VMA21: variants seen among roughly 807,000 people sequenced by gnomAD.
VMA21 encodes the protein vacuolar ATPase assembly factor VMA21.
For synonymous variants in VMA21, 47 were observed against 34.1 expected, an observed-to-expected ratio of 1.38 and a Z score of -1.32; for missense variants, 61 against 80.6, an observed-to-expected ratio of 0.76 and a Z score of 0.93.
upstream of VMA21, chrX:151,397,166 G>C (rs184571893): frequency 3.6e-5 from 21 of 580,379 alleles, no homozygotes; most frequent in African/African-American, 4.9e-5. Flanking sequence ...GCGCGAACGG[G>C]CACTTCCGGC....
At chrX:151,397,200 A>C, upstream of VMA21, 1 of 931,637 alleles carries the variant, frequency 1.1e-6, no homozygotes, top group Non-Finnish European at 1.4e-6. Context: ...TCCGGCGCGA[A>C]CCGCTACTTC....
chrX:151,406,691 T>C lies in VMA21; in HGVS notation c.*1633T>C, dbSNP rs766949517. The C allele has an allele frequency of 8.9e-6, 1 of 112,155 alleles. No individual in the cohort carries two copies. Among genetic ancestry groups the C allele is most frequent in the South Asian group, 3.7e-4 (1 of 2,706 alleles). The allele number at this position is 112,155 out of a possible 1,213,427, so 9.2% of individuals were successfully genotyped here. On this transcript the variant is annotated 3_prime_UTR_variant, in exon 3 of 3. Coordinates refer to ENST00000330374, the MANE Select transcript of VMA21 (RefSeq NM_001017980.4). ...CTACCACGCCCGGCCTTATTGACCA[T>C]TTTCTAAATAAGCACATTCTATCTT... is the stretch of plus-strand genomic sequence containing the variant.
rs1171042389 is a variant in VMA21, at chrX:151,406,388, T to A, written c.*1330T>A. ...TCTTTTTCTTTATTTTATTTATTTA[T>A]TTTTTTGAGACAGAGTTTTGCTCTG... On this transcript the variant is annotated 3_prime_UTR_variant, in exon 3 of 3. Coordinates refer to ENST00000330374, the MANE Select transcript of VMA21 (RefSeq NM_001017980.4). The A allele has an allele frequency of 9.0e-6, 1 of 111,215 alleles. No homozygotes were observed. The highest frequency in any genetic ancestry group is 9.6e-5 in the Admixed American group (1 of 10,400). The allele number at this position is 111,215 out of a possible 1,213,427, so 9.2% of individuals were successfully genotyped here.
upstream of VMA21, chrX:151,396,739 G>A: frequency 2.3e-6 from 1 of 430,992 alleles, no homozygotes; most frequent in Non-Finnish European, 4.1e-6. Flanking sequence ...TCAAGTAGTG[G>A]CGAAATAATG....
In VMA21 at chrX:151,407,960, CG is replaced by C. The variant is rs1366793214; in HGVS notation, c.*2904del. 1 of 108,254 alleles carries C rather than the reference CG, an allele frequency of 9.2e-6. No individual in the cohort carries two copies. The highest frequency in any genetic ancestry group is 1.9e-5 in the Non-Finnish European group (1 of 52,277). 8.9% of individuals were successfully genotyped at this position (108,254 alleles called of 1,213,427 possible). ...AGGCTGGAGTGCAAGGGCGCAATCT[CG>C]GCTCGCTGCAACCTCCGCCTCCCGG... On this transcript the variant is annotated 3_prime_UTR_variant, in exon 3 of 3. Transcript: ENST00000330374.
At chrX:151,398,719 G>C (rs1315947719) in intron 1 of VMA21, among the ~76,000 whole-genome samples, 2 of 111,834 alleles carry the variant, frequency 1.8e-5, no homozygotes, top group Non-Finnish European at 3.8e-5. Flanking sequence ...TCTTGACTGT[G>C]GGAGAAAGAA....
intron 1 of VMA21, among the ~76,000 whole-genome samples, chrX:151,399,581 G>A (rs2011222255): frequency 9.0e-6 from 1 of 111,541 alleles, no homozygotes; most frequent in Non-Finnish European, 1.9e-5. Flanking sequence ...GTGACTCTTT[G>A]TATTTTTTGT....
rs747504993 is a variant in VMA21 at position 151,404,966 on chromosome X, G to T, written c.214G>T (p.Ala72Ser). The T allele has an allele frequency of 8.3e-7, 1 of 1,209,848 alleles. No individual in the cohort carries two copies. Among genetic ancestry groups the T allele is most frequent in the Non-Finnish European group, 1.1e-6 (1 of 895,029 alleles). ...CAGCTATTTTTACGCTGCTATTGTT[G>T]CAGTGGTCGCCGTCCATGTGGTGCT... ...RDSYFYAAIVAVVAVHVVLAL... is the reference protein window; with the variant it reads ...RDSYFYAAIVSVVAVHVVLAL... The change falls in exon 3 of 3, where the codon GCA becomes TCA. Residue 72 changes from alanine to serine, a missense_variant. By Grantham distance (99) the Ala-to-Ser change is moderately conservative. Coordinates refer to ENST00000330374, the MANE Select transcript of VMA21 (RefSeq NM_001017980.4).
chrX:151,401,889 G>A (rs1439326950), intron 1 of VMA21, among the ~76,000 whole-genome samples: 2 of 110,481 alleles, frequency 1.8e-5, no homozygotes, highest in East Asian at 5.7e-4. Context: ...TGAGATTACA[G>A]GCACGTGCCA....
chrX:151,397,086 C>A, upstream of VMA21: 1 of 438,094 alleles, frequency 2.3e-6, no homozygotes. Flanking sequence ...CGCCCCCGCG[C>A]CGGCAACAGC....
Position 151,404,930 on chromosome X carries a change from T to G in VMA21, c.178T>G (p.Ser60Ala). The G allele has an allele frequency of 1.7e-6, 2 of 1,210,960 alleles. No homozygotes were observed. The highest frequency in any genetic ancestry group is 2.2e-6 in the Non-Finnish European group (2 of 895,272). ...TCTCTTGATAGGCGCCCTTGGGATG[T>G]CCAATAGGGACAGCTATTTTTACGC... is the stretch of plus-strand genomic sequence containing the variant. ...SYIFEGALGM[S>A]NRDSYFYAAI... Residue 60 changes from serine (S) to alanine (A), a missense_variant, in exon 3 of 3, where the codon TCC becomes GCC. Coordinates refer to ENST00000330374, the MANE Select transcript of VMA21 (RefSeq NM_001017980.4).
At chrX:151,397,111 G>GCGCGCCGCGC (rs1158989505), upstream of VMA21, 2,124 of 341,406 alleles carry the variant, frequency 6.2e-3, 42 homozygotes, top group African/African-American at 0.053. Context: ...CGTCGCTGCG[G>GCGCGCCGCGC]CGCGCCGCGC....
chrX:151,403,103 C>T (rs1420568898), intron 1 of VMA21, among the ~76,000 whole-genome samples: 2 of 111,397 alleles, frequency 1.8e-5, no homozygotes, highest in African/African-American at 3.3e-5. Flanking sequence ...TCGTTAGTTC[C>T]CTGGTCCACT....
chrX:151,396,943 G>A (rs1050246845), upstream of VMA21: 6 of 522,190 alleles, frequency 1.1e-5, no homozygotes, highest in Admixed American at 2.6e-5. Context: ...CCGCCCAGGA[G>A]GACCATGTTG....
chrX:151,397,338 C>T lies in VMA21; in HGVS notation c.30C>T (p.Asn10=), dbSNP rs985172619. Residue 10 remains asparagine, a synonymous_variant, in exon 1 of 3, where the codon AAC becomes AAT. Coordinates refer to ENST00000330374, the MANE Select transcript of VMA21 (RefSeq NM_001017980.4). MERPDKAAL[N]ALQPPEFRNE... ...AGCGCCCGGATAAGGCGGCGCTGAA[C>T]GCACTGCAGCCTCCTGAGTTCAGGT... The T allele has an allele frequency of 1.7e-6, 2 of 1,161,677 alleles. No homozygotes were observed. Among genetic ancestry groups the T allele is most frequent in the African/African-American group, 3.6e-5 (2 of 56,190 alleles).
intron 1 of VMA21, 44 bp from the exon 2 acceptor site, chrX:151,403,586 AT>A: frequency 1.0e-6 from 1 of 956,502 alleles, no homozygotes; most frequent in Admixed American, 2.2e-5. Context: ...GCGTTTGGAT[AT>A]GACTGTGCAG....
Position 151,407,002 on chromosome X carries a change from G to C in VMA21, c.*1944G>C, listed in dbSNP as rs2031428944. 1 of 112,485 alleles carries C rather than the reference G, an allele frequency of 8.9e-6. No individual in the cohort carries two copies. Among genetic ancestry groups the C allele is most frequent in the East Asian group, 2.8e-4 (1 of 3,596 alleles). The allele number at this position is 112,485 out of a possible 1,213,427, so 9.3% of individuals were successfully genotyped here. On this transcript the variant is annotated 3_prime_UTR_variant, in exon 3 of 3. Transcript: ENST00000330374. ...TTTGAGTCTAGGGTAGTATGTGGTAGATTTCTAGATGGTCCCTAATTAAGA... is the reference window on the plus strand; with the variant it reads ...TTTGAGTCTAGGGTAGTATGTGGTACATTTCTAGATGGTCCCTAATTAAGA...
intron 1 of VMA21, among the ~76,000 whole-genome samples, chrX:151,397,706 T>C (rs1265374281): frequency 8.9e-6 from 1 of 112,606 alleles, no homozygotes; most frequent in Non-Finnish European, 1.9e-5. Flanking sequence ...CATCTCCGTG[T>C]TCCCTAGGGG....
chrX:151,397,108 GCGGCGCGCCGC>G (rs1266582978), upstream of VMA21: 1 of 344,063 alleles, frequency 2.9e-6, no homozygotes, highest in Non-Finnish European at 4.7e-6. Flanking sequence ...CTGCGTCGCT[GCGGCGCGCCGC>G]GCCGCGCCGC....
Sources: gnomAD v4.1 joint callset for allele counts (sites outside exome capture counted in the v4.1 genomes callset) on GRCh38, gnomAD v4.1.1 for gene constraint, MANE v1.5 for transcripts, NCBI Gene and HGNC (gene_info 2026-07-23, HGNC 2026-07-21) for gene names.